The following ATP9B variants were observed in gnomAD, a reference collection of about 807,000 sequenced individuals.
The protein encoded by ATP9B is ATPase phospholipid transporting 9B.
A neutral mutation model predicts 146.1 loss-of-function variants in ATP9B; 110 were observed. That is an observed-to-expected ratio of 0.75 (90% CI 0.65 to 0.88). The LOEUF (loss-of-function observed/expected upper bound fraction) is 0.88, where lower values mean the gene tolerates loss of function less well. ATP9B is among the 40% of genes least tolerant of loss of function. ATP9B has a pLI of 0.00. For missense variants in ATP9B, 1,499 were observed against 1,496.4 expected, an observed-to-expected ratio of 1.00 and a Z score of -0.03; for synonymous variants, 604 against 569.7, an observed-to-expected ratio of 1.06 and a Z score of -0.86.
chr18:79,336,761 C>T lies in ATP9B; in HGVS notation c.2112+50C>T, dbSNP rs560624388. On this transcript the variant is annotated intron_variant, in intron 18 of 29. Coordinates refer to ENST00000426216, the MANE Select transcript of ATP9B (RefSeq NM_198531.5). ...TCCTCCTACGACGTTTCCTTCCTTACGCTGAAATTAGTTCTTCCTGTCTTT... is the reference window on the plus strand; with the variant it reads ...TCCTCCTACGACGTTTCCTTCCTTATGCTGAAATTAGTTCTTCCTGTCTTT... 1.9e-5 allele frequency: 29 copies of T among 1,560,062 alleles called. No individual in the cohort carries two copies. The South Asian group carries it at 2.5e-4, about 13-fold the overall frequency.
At chr18:79,185,267 T>A (rs558779851) in intron 8 of ATP9B, among the ~76,000 whole-genome samples, 2 of 152,362 alleles carry the variant, frequency 1.3e-5, no homozygotes, top group South Asian at 4.1e-4. Flanking sequence ...ATTTTCATAC[T>A]GTTATCTATA....
At chr18:79,143,964 T>C in intron 6 of ATP9B, 104 bp downstream of exon 6, 2 of 647,302 alleles carry the variant, frequency 3.1e-6, no homozygotes, top group Non-Finnish European at 5.0e-6. Context: ...GACATGTATT[T>C]TGAATCATAA....
chr18:79,211,989 C>T (rs1181878316), intron 10 of ATP9B, among the ~76,000 whole-genome samples: 1 of 152,206 alleles, frequency 6.6e-6, no homozygotes, highest in East Asian at 1.9e-4. Flanking sequence ...TCTTATACGA[C>T]ACAAAATGAG....
intron 25 of ATP9B, among the ~76,000 whole-genome samples, chr18:79,348,704 G>A (rs1032296306): frequency 2.0e-5 from 3 of 152,260 alleles, no homozygotes; most frequent in East Asian, 1.9e-4. Context: ...GGCTGGGCGC[G>A]GTGGCTCACG....
rs538173556 is a variant in ATP9B, at chr18:79,171,884, T to G, written c.779-4929T>G. Among the ~76,000 whole-genome samples, 211 of 150,892 alleles carry G rather than the reference T, an allele frequency of 1.4e-3. 3 individuals are homozygous for G. Among genetic ancestry groups the G allele is most frequent in the African/African-American group, 4.9e-3 (198 of 40,796 alleles). On this transcript the variant is annotated intron_variant, in intron 7 of 29. Transcript: ENST00000426216. The stretch of plus-strand genomic sequence containing the variant: ...TCATGACCTTCGGAGACTCGTTTTT[T>G]TTTGTTTGTTTGTTTGTTTGTTTAG...
chr18:79,264,514 G>A (rs1374175074), intron 12 of ATP9B, among the ~76,000 whole-genome samples: 1 of 150,240 alleles, frequency 6.7e-6, no homozygotes, highest in Non-Finnish European at 1.5e-5. Flanking sequence ...AACAGTTATT[G>A]ATTTTACATG....
At chr18:79,372,491 A>G in intron 26 of ATP9B, 1 of 465,078 alleles carries the variant, frequency 2.2e-6, no homozygotes, top group Non-Finnish European at 4.2e-6. Flanking sequence ...AAATGTTTTT[A>G]TTGCCAAGAG....
At chr18:79,348,827 C>CA (rs1448731864) in intron 25 of ATP9B, among the ~76,000 whole-genome samples, 1 of 152,132 alleles carries the variant, frequency 6.6e-6, no homozygotes, top group African/African-American at 2.4e-5. Flanking sequence ...ACTAAAAATA[C>CA]AAAAAAATTA....
chr18:79,306,854 T>C, intron 14 of ATP9B, 132 bp from the exon 15 acceptor site: 3 of 1,063,362 alleles, frequency 2.8e-6, no homozygotes, highest in African/African-American at 1.6e-5. Context: ...TTATAGGAGA[T>C]AATCAGAATC....
At chr18:79,188,800 C>T (rs559339577) in intron 8 of ATP9B, among the ~76,000 whole-genome samples, 21 of 151,936 alleles carry the variant, frequency 1.4e-4, no homozygotes, top group Non-Finnish European at 3.1e-4. Flanking sequence ...AAGTGTACCT[C>T]GGCTTCTCAA....
chr18:79,146,891 A>G (rs995387728), intron 6 of ATP9B: 3 of 152,624 alleles, frequency 2.0e-5, no homozygotes, highest in African/African-American at 7.2e-5. Context: ...CGTACGTTCT[A>G]ATGGTCTAAA....
intron 17 of ATP9B, among the ~76,000 whole-genome samples, chr18:79,332,297 CG>C (rs530611710): frequency 6.2e-4 from 95 of 152,166 alleles, no homozygotes; most frequent in African/African-American, 2.0e-3. Context: ...GGTGTGGTGG[CG>C]GGCGCCTGTA....
chr18:79,262,695 T>A (rs1599383593), intron 12 of ATP9B, among the ~76,000 whole-genome samples: 1 of 152,214 alleles, frequency 6.6e-6, no homozygotes, highest in African/African-American at 2.4e-5. Flanking sequence ...CCCCTTTACG[T>A]GGTACATATG....
chr18:79,213,151 T>C (rs1600529043), intron 10 of ATP9B, among the ~76,000 whole-genome samples: 1 of 152,280 alleles, frequency 6.6e-6, no homozygotes, highest in Non-Finnish European at 1.5e-5. Flanking sequence ...GGTTGGTAAT[T>C]GCACATTATG....
chr18:79,348,364 C>A (rs1203828809), intron 25 of ATP9B, among the ~76,000 whole-genome samples, 168 bp downstream of exon 25: 1 of 151,866 alleles, frequency 6.6e-6, no homozygotes, highest in African/African-American at 2.4e-5. Flanking sequence ...AACTTCAAGA[C>A]AGCACCTGCA....
intron 4 of ATP9B, chr18:79,115,423 T>C (rs1437135106): frequency 7.2e-6 from 1 of 139,310 alleles, no homozygotes; most frequent in African/African-American, 3.0e-5. Context: ...AAAACTACTT[T>C]ACAGTTCATA....
intron 13 of ATP9B, among the ~76,000 whole-genome samples, chr18:79,284,514 G>A (rs1599594194): frequency 6.6e-6 from 1 of 152,082 alleles, no homozygotes; most frequent in East Asian, 1.9e-4. Context: ...GAATATATTT[G>A]GCTTCACTTT....
chr18:79,276,931 A>G (rs750813114), intron 12 of ATP9B, 123 bp from the exon 13 acceptor site: 2 of 1,469,768 alleles, frequency 1.4e-6, no homozygotes, highest in Non-Finnish European at 1.9e-6. Flanking sequence ...CAGTTTGGGT[A>G]TGAACTTGGA....
rs377042320 is a variant in ATP9B at position 79,316,279 on chromosome 18, G to A, written c.1773+9045G>A. On this transcript the variant is annotated intron_variant, in intron 15 of 29. Transcript: ENST00000426216. Reference sequence around the variant, plus strand: ...GAGATTGCGTTCTGTGGTTGCCTGCGCCATCCCTGAGAGCATCCAGAGAAA... The same window carrying A: ...GAGATTGCGTTCTGTGGTTGCCTGCACCATCCCTGAGAGCATCCAGAGAAA... Among the ~76,000 whole-genome samples, 26 of 152,170 alleles carry A rather than the reference G, an allele frequency of 1.7e-4. 2 individuals are homozygous for A. The East Asian group carries it at 4.6e-3, about 27-fold the overall frequency.
Sources: allele counts gnomAD v4.1 joint callset (sites outside exome capture counted in the v4.1 genomes callset), GRCh38; gene constraint gnomAD v4.1.1; transcripts MANE v1.5; gene names NCBI Gene and HGNC (gene_info 2026-07-23, HGNC 2026-07-21).